The following APLP2 variants were observed in gnomAD, a reference collection of about 807,000 sequenced individuals.
APLP2 encodes amyloid beta precursor like protein 2.
In APLP2, 53 loss-of-function variants were observed where a neutral mutation model predicts 89.9. The ratio of observed to expected loss-of-function variants is 0.59; its 90% CI spans 0.47 to 0.74. The LOEUF (loss-of-function observed/expected upper bound fraction) is 0.74, where lower values mean the gene tolerates loss of function less well. Among genes scored for constraint, APLP2 ranks in the 30% least tolerant of loss-of-function variants. The pLI is 0.00. For synonymous variants in APLP2, 372 were observed against 348.6 expected (o/e 1.07, Z -0.75); for missense variants, 973 against 975.9 (o/e 1.00, Z 0.04).
intron 3 of APLP2, among the ~76,000 whole-genome samples, chr11:130,118,111 T>C (rs1466442835): frequency 5.9e-5 from 9 of 152,020 alleles, no homozygotes; most frequent in African/African-American, 9.7e-5. Context: ...TGTGTTTCTA[T>C]AGAATATAGA....
chr11:130,081,986 C>T (rs1224247071), intron 1 of APLP2, among the ~76,000 whole-genome samples: 1 of 152,116 alleles, frequency 6.6e-6, no homozygotes, highest in Non-Finnish European at 1.5e-5. Context: ...TATTAGCAAA[C>T]ATTTATGGAA....
intron 1 of APLP2, among the ~76,000 whole-genome samples, chr11:130,084,830 T>A (rs1275928886): frequency 1.3e-5 from 2 of 151,088 alleles, no homozygotes; most frequent in African/African-American, 4.9e-5. Context: ...ACAGAATAAA[T>A]GAAAACAGAA....
rs369309787 is a variant in APLP2 at position 130,109,452 on chromosome 11, A to G, written c.129A>G (p.Thr43=). The G allele has an allele frequency of 6.5e-5, 104 of 1,612,372 alleles. No individual in the cohort carries two copies. The highest frequency in any genetic ancestry group is 8.5e-5 in the Non-Finnish European group (100 of 1,179,354). The stretch of plus-strand genomic sequence containing the variant: ...AGGCTCTTGCAGCCAATGCCGGAAC[A>G]GGATTTGCTGTTGCTGAGCCTCAAA... The part of the protein sequence containing the change: ...YIEALAANAG[T]GFAVAEPQIA... Residue 43 remains threonine (T), a synonymous_variant, in exon 2 of 17, where the codon ACA becomes ACG. Transcript: ENST00000338167.
At chr11:130,131,118 A>G (rs1180486481) in intron 11 of APLP2, among the ~76,000 whole-genome samples, 1 of 152,140 alleles carries the variant, frequency 6.6e-6, no homozygotes, top group Non-Finnish European at 1.5e-5. Context: ...TGTTTGTTTG[A>G]GATGGAGTCC....
intron 1 of APLP2, among the ~76,000 whole-genome samples, chr11:130,106,869 A>G (rs1477169581): frequency 1.3e-5 from 2 of 152,024 alleles, no homozygotes; most frequent in Non-Finnish European, 2.9e-5. Context: ...GTGTATTTTT[A>G]GTAGGGACGG....
chr11:130,118,076 C>CAAAA (rs71061363), intron 3 of APLP2, among the ~76,000 whole-genome samples: 1 of 94,486 alleles, frequency 1.1e-5, no homozygotes. Context: ...GACTCCATCT[C>CAAAA]AAAAAAAAAA....
chr11:130,132,146 G>A (rs1246978891), intron 11 of APLP2, among the ~76,000 whole-genome samples: 1 of 152,112 alleles, frequency 6.6e-6, no homozygotes, highest in Non-Finnish European at 1.5e-5. Context: ...TGTCTCACAC[G>A]GCTCCCGGTT....
intron 6 of APLP2, 29 bp downstream of exon 6, chr11:130,122,542 A>G (rs765287166): frequency 6.2e-7 from 1 of 1,613,500 alleles, no homozygotes; most frequent in Non-Finnish European, 8.5e-7. Context: ...ATGGCTTTGA[A>G]ATCCATGTGG....
chr11:130,082,333 G>A (rs551652705), intron 1 of APLP2, among the ~76,000 whole-genome samples: 1 of 152,090 alleles, frequency 6.6e-6, no homozygotes, highest in African/African-American at 2.4e-5. Flanking sequence ...ACAGGTGCCC[G>A]CCATCACGCC....
chr11:130,089,725 C>T (rs906888476), intron 1 of APLP2, among the ~76,000 whole-genome samples: 4 of 152,372 alleles, frequency 2.6e-5, no homozygotes, highest in African/African-American at 9.6e-5. Flanking sequence ...GTTAGCAGGA[C>T]TGGACTCCTT....
intron 11 of APLP2, among the ~76,000 whole-genome samples, chr11:130,131,945 A>G (rs1414357879): frequency 6.6e-6 from 1 of 152,130 alleles, no homozygotes; most frequent in Non-Finnish European, 1.5e-5. Flanking sequence ...CTTGTTCCCT[A>G]TTCTGTTATC....
chr11:130,138,184 C>A (rs2136121168), intron 13 of APLP2, among the ~76,000 whole-genome samples: 1 of 152,328 alleles, frequency 6.6e-6, no homozygotes, highest in South Asian at 2.1e-4. Context: ...TATGAGCCCA[C>A]CCTTGGCTTT....
At chr11:130,138,377 ATTCCT>A (rs1951884876) in intron 13 of APLP2, among the ~76,000 whole-genome samples, 1 of 152,162 alleles carries the variant, frequency 6.6e-6, no homozygotes, top group African/African-American at 2.4e-5. Flanking sequence ...CTGTGCCGAC[ATTCCT>A]TTCAACAGCA....
chr11:130,109,671 AATAG>A, intron 2 of APLP2, 69 bp downstream of exon 2: 1 of 1,485,192 alleles, frequency 6.7e-7, no homozygotes, highest in Non-Finnish European at 9.1e-7. Flanking sequence ...TTACCTTAGA[AATAG>A]ATATTCTGTC....
At chr11:130,122,209 C>T (rs1949904954) in intron 5 of APLP2, 96 bp from the exon 6 acceptor site, 5 of 1,407,000 alleles carry the variant, frequency 3.6e-6, no homozygotes, top group Admixed American at 1.9e-5. Context: ...TTATTTCCTG[C>T]CTCTGTTTTT....
chr11:130,131,708 C>T (rs1170173494), intron 11 of APLP2, among the ~76,000 whole-genome samples: 2 of 152,222 alleles, frequency 1.3e-5, no homozygotes, highest in African/African-American at 2.4e-5. Flanking sequence ...ATTAAATTAT[C>T]GTGTTGTATT....
intron 1 of APLP2, among the ~76,000 whole-genome samples, chr11:130,091,295 G>A (rs1400458272): frequency 2.4e-4 from 33 of 138,226 alleles, no homozygotes; most frequent in South Asian, 1.8e-3. Context: ...CCTCCCGGAC[G>A]GGGCGGCTGG....
intron 1 of APLP2, among the ~76,000 whole-genome samples, chr11:130,076,474 C>T (rs1401537056): frequency 1.3e-5 from 2 of 152,068 alleles, no homozygotes; most frequent in Admixed American, 1.3e-4. Flanking sequence ...AAAGAAGTTA[C>T]GGTTCCCTGT....
chr11:130,127,663 G>T, intron 8 of APLP2, 103 bp from the exon 9 acceptor site: 1 of 950,320 alleles, frequency 1.1e-6, no homozygotes. Context: ...GTTTCCTTTT[G>T]CAGTTTCCTG....
Sources: gnomAD v4.1 joint callset for allele counts (sites outside exome capture counted in the v4.1 genomes callset) on GRCh38, gnomAD v4.1.1 for gene constraint, MANE v1.5 for transcripts, NCBI Gene and HGNC (gene_info 2026-07-23, HGNC 2026-07-21) for gene names.